Variants in NECTIN2 observed in about 807,000 individuals in gnomAD.
The protein encoded by NECTIN2 is nectin-2.
A neutral mutation model predicts 56.9 loss-of-function variants in NECTIN2; 23 were observed. The observed-to-expected ratio is 0.40, with a 90% confidence interval of 0.29 to 0.57. The LOEUF is 0.57. NECTIN2 is among the 20% of genes least tolerant of loss of function. The pLI is 0.38. For synonymous variants in NECTIN2, 302 were observed against 313.8 expected, an observed-to-expected ratio of 0.96 and a Z score of 0.40; for missense variants, 587 against 718.3, an observed-to-expected ratio of 0.82 and a Z score of 2.09.
At position 44,888,585 on chromosome 19, in the gene NECTIN2, T is replaced by A; in HGVS notation, c.*206T>A. 1 of 602,892 alleles carries A rather than the reference T, an allele frequency of 1.7e-6. No individual in the cohort carries two copies. The highest frequency in any genetic ancestry group is 2.8e-5 in the East Asian group (1 of 35,822). 37.3% of individuals were successfully genotyped at this position (602,892 alleles called of 1,614,324 possible). A position where few individuals can be genotyped will look rare whatever the true frequency, so the allele number is the denominator to read the frequency against. ...CGTGATAATGGAATCCTGGCAACCT[T>A]ATCTCATGAGGCAGGAGGTGGGGAA... is the stretch of plus-strand genomic sequence containing the variant. On this transcript the variant is annotated 3_prime_UTR_variant, in exon 9 of 9. Transcript: ENST00000252483.
At chr19:44,878,020 G>A (rs1285480991) in intron 5 of NECTIN2, among the ~76,000 whole-genome samples, 3 of 151,978 alleles carry the variant, frequency 2.0e-5, no homozygotes, top group Non-Finnish European at 4.4e-5. Flanking sequence ...TGTAGCGAAG[G>A]GCGGAGGGGC....
chr19:44,846,515 C>T lies in NECTIN2; in HGVS notation c.-11C>T. On this transcript the variant is annotated 5_prime_UTR_variant, in exon 1 of 9. Transcript: ENST00000252483. ...GCCTCCGGCCGGGCCCAGTCCCCTC[C>T]CGGGCCCTCCATGGCCCGGGCCGCT... The T allele has an allele frequency of 6.6e-7, 1 of 1,504,938 alleles. No homozygotes were observed. Among genetic ancestry groups the T allele is most frequent in the South Asian group, 1.2e-5 (1 of 80,972 alleles). 93.2% of individuals were successfully genotyped at this position (1,504,938 alleles called of 1,614,324 possible). A position where few individuals can be genotyped will look rare whatever the true frequency, so the allele number is the denominator to read the frequency against.
At chr19:44,872,738 T>A (rs1969190400) in intron 3 of NECTIN2, among the ~76,000 whole-genome samples, 2 of 150,772 alleles carry the variant, frequency 1.3e-5, no homozygotes, top group Admixed American at 6.6e-5. Flanking sequence ...CTATACTGAG[T>A]CTCCCAGAGT....
intron 6 of NECTIN2, among the ~76,000 whole-genome samples, chr19:44,885,297 ATCTT>A (rs1361125591): frequency 8.6e-5 from 11 of 127,612 alleles, no homozygotes; most frequent in East Asian, 2.5e-4. Flanking sequence ...CGCCTGGCTG[ATCTT>A]TCTTTCTTTT....
At chr19:44,862,840 C>A (rs973608413) in intron 1 of NECTIN2, among the ~76,000 whole-genome samples, 1 of 151,792 alleles carries the variant, frequency 6.6e-6, no homozygotes, top group Non-Finnish European at 1.5e-5. Context: ...TAGTGAAAAC[C>A]CATCTCTATT....
intron 6 of NECTIN2, among the ~76,000 whole-genome samples, chr19:44,884,564 T>C (rs1377364856): frequency 6.6e-6 from 1 of 152,206 alleles, no homozygotes; most frequent in African/African-American, 2.4e-5. Flanking sequence ...TTGCTGCTGA[T>C]CTCCTCTGTG....
In NECTIN2 at chr19:44,875,424, C is replaced by T. The variant is rs1599922984; in HGVS notation, c.1042+946C>T. Reference sequence around the variant, plus strand: ...GGGACTATATGCGCTCACCACCAAACCCGGCTAAGTTTTGTATTTTTAGTA... The same window carrying T: ...GGGACTATATGCGCTCACCACCAAATCCGGCTAAGTTTTGTATTTTTAGTA... On this transcript the variant is annotated intron_variant, in intron 5 of 8. Transcript: ENST00000252483. This position sits in a 1 kb window ranked among gnomAD's most constrained non-coding sequence, Gnocchi z 4.2. Among the ~76,000 whole-genome samples, 1 of 152,186 alleles carries T rather than the reference C, an allele frequency of 6.6e-6. No homozygotes were observed. Among genetic ancestry groups the T allele is most frequent in the African/African-American group, 2.4e-5 (1 of 41,430 alleles).
chr19:44,882,100 A>G (rs2122709394), intron 5 of NECTIN2, 111 bp from the exon 6 acceptor site: 1 of 978,482 alleles, frequency 1.0e-6, no homozygotes. Context: ...TCCCCTGCCC[A>G]TGGGAGAGGA....
intron 1 of NECTIN2, among the ~76,000 whole-genome samples, 179 bp downstream of exon 1, chr19:44,846,792 G>T (rs1053778681): frequency 2.0e-5 from 3 of 149,932 alleles, no homozygotes; most frequent in Non-Finnish European, 3.0e-5. Context: ...CTCTCGAGGA[G>T]ACTCTGACCC....
At chr19:44,849,215 G>A (rs1284109744) in intron 1 of NECTIN2, among the ~76,000 whole-genome samples, 1 of 152,076 alleles carries the variant, frequency 6.6e-6, no homozygotes, top group East Asian at 1.9e-4. Context: ...ACAGGGTCGG[G>A]GGAGTGAAAT....
intron 1 of NECTIN2, among the ~76,000 whole-genome samples, chr19:44,859,347 C>T (rs796242434): frequency 2.6e-5 from 4 of 152,234 alleles, no homozygotes; most frequent in African/African-American, 4.8e-5. Flanking sequence ...GCCCTTGGGA[C>T]GCAGGCACTA....
chr19:44,878,904 C>T (rs1285156563), intron 5 of NECTIN2: 4 of 1,252,224 alleles, frequency 3.2e-6, no homozygotes, highest in African/African-American at 1.5e-5. Context: ...GGCCCCGTGA[C>T]ACTCAGGAGT....
intron 1 of NECTIN2, among the ~76,000 whole-genome samples, chr19:44,856,400 C>A (rs1017563730): frequency 7.2e-5 from 11 of 152,186 alleles, no homozygotes; most frequent in African/African-American, 2.7e-4. Flanking sequence ...ATTTTGCTGT[C>A]TGGTCATCTA....
At chr19:44,881,205 G>A (rs1223604933) in intron 5 of NECTIN2, among the ~76,000 whole-genome samples, 4 of 152,050 alleles carry the variant, frequency 2.6e-5, no homozygotes, top group African/African-American at 9.7e-5. Context: ...ACTGCCCCAA[G>A]CCCTAACCCC....
chr19:44,878,625 G>C, intron 5 of NECTIN2: 1 of 1,584,162 alleles, frequency 6.3e-7, no homozygotes, highest in African/African-American at 1.3e-5. Context: ...GTGTGACCTG[G>C]ACACAGACAG....
Position 44,888,340 on chromosome 19 carries a change from G to A in NECTIN2, c.1578G>A (p.Gln526=). The change falls in exon 9 of 9, where the codon CAG becomes CAA. Residue 526 remains glutamine, a synonymous_variant. Transcript: ENST00000252483. ...ATAGCAGCCCCTCTGATTCCTACCA[G>A]GGCAAAGGCTTTGTCATGTCCCGGG... ...LSYSSPSDSY[Q]GKGFVMSRAM... 6.2e-7 allele frequency: 1 copy of A among 1,613,804 alleles called. No homozygotes were observed.
intron 1 of NECTIN2, among the ~76,000 whole-genome samples, chr19:44,862,749 G>A (rs1403183810): frequency 3.3e-5 from 5 of 152,016 alleles, no homozygotes; most frequent in Admixed American, 1.3e-4. Flanking sequence ...GCACAGTGGC[G>A]CACACCTATA....
At chr19:44,873,764 C>A (rs1310610978) in intron 3 of NECTIN2, 152 bp from the exon 4 acceptor site, 9 of 646,446 alleles carry the variant, frequency 1.4e-5, no homozygotes, top group Non-Finnish European at 2.2e-5. Flanking sequence ...CATCAGCACA[C>A]AACAGCCTGG....
At chr19:44,854,288 G>A (rs1300463159) in intron 1 of NECTIN2, among the ~76,000 whole-genome samples, 3 of 152,034 alleles carry the variant, frequency 2.0e-5, no homozygotes, top group African/African-American at 7.2e-5. Flanking sequence ...TCACTGTGTC[G>A]GCCAGGCTGG....
Sources: allele counts gnomAD v4.1 joint callset (sites outside exome capture counted in the v4.1 genomes callset), GRCh38; gene constraint gnomAD v4.1.1; non-coding constraint Gnocchi (gnomAD v3.1); transcripts MANE v1.5; gene names NCBI Gene and HGNC (gene_info 2026-07-23, HGNC 2026-07-21).